Variants in SRRM1 observed in about 807,000 individuals in gnomAD.
SRRM1 encodes the protein serine and arginine repetitive matrix 1.
Under a neutral mutation model 110.2 loss-of-function variants are expected in SRRM1, and 19 were observed. That is an observed-to-expected ratio of 0.17 (90% CI 0.12 to 0.25). SRRM1 has a LOEUF of 0.25. Ranked by LOEUF, SRRM1 falls within the 10% of genes least tolerant of loss-of-function variation. The pLI is 1.00. For synonymous variants in SRRM1, 443 were observed against 414.9 expected (o/e 1.07, Z -0.82); for missense variants, 918 against 1,145.8 (o/e 0.80, Z 2.87).
chr1:24,652,783 A>G (rs1661745170), intron 7 of SRRM1, 130 bp from the exon 8 acceptor site: 2 of 1,363,012 alleles, frequency 1.5e-6, no homozygotes, highest in Admixed American at 2.8e-5. Context: ...TCTGTGTACC[A>G]TAAAAATCTA....
At chr1:24,668,948 G>A (rs922495695) in intron 13 of SRRM1, among the ~76,000 whole-genome samples, 175 bp from the exon 14 acceptor site, 3 of 152,132 alleles carry the variant, frequency 2.0e-5, no homozygotes, top group Non-Finnish European at 4.4e-5. Flanking sequence ...GCAGTCAGCT[G>A]AGATAAACAA....
At chr1:24,662,609 C>A in intron 11 of SRRM1, 51 bp from the exon 12 acceptor site, 2 of 1,586,790 alleles carry the variant, frequency 1.3e-6, no homozygotes, top group Non-Finnish European at 8.6e-7. Flanking sequence ...AAAACTTGGA[C>A]AGATTCAAGC....
rs1672681192 is a variant in SRRM1, at chr1:24,671,392, G to A, written c.2407G>A (p.Asp803Asn). Residue 803 changes from aspartate (D) to asparagine (N), a missense_variant, in exon 16 of 17, where the codon GAT (aspartate) becomes AAT (asparagine). Around this residue, in one of 5 missense-constraint regions of SRRM1, gnomAD observed 62 missense variants for 127.6 expected, o/e 0.49. Transcript: ENST00000323848. ...TPSPSPPRNS[D>N]QEGGGKKKKK... ...TGTTTTTTTTTCTTCCTAGAATTCA[G>A]ATCAGGAAGGAGGTGGAAAGAAAAA... 1.9e-6 allele frequency: 3 copies of A among 1,604,338 alleles called. No homozygotes were observed. The South Asian group carries it at 3.4e-5, about 18-fold the overall frequency.
chr1:24,651,678 C>A, intron 6 of SRRM1, 66 bp downstream of exon 6: 1 of 1,194,460 alleles, frequency 8.4e-7, no homozygotes, highest in Non-Finnish European at 1.2e-6. Flanking sequence ...GCAAATATGA[C>A]ATCTGAGTTA....
intron 16 of SRRM1, 34 bp downstream of exon 16, chr1:24,671,629 G>A: frequency 6.5e-7 from 1 of 1,527,714 alleles, no homozygotes; most frequent in Non-Finnish European, 8.8e-7. Flanking sequence ...CTGTCTTGCA[G>A]TTTACGTACA....
At position 24,648,997 on chromosome 1, in the gene SRRM1, G is replaced by A. The variant is rs778053915; in HGVS notation, c.373G>A (p.Glu125Lys). The change falls in exon 4 of 17, where the codon GAA becomes AAA. Residue 125 changes from glutamate (E) to lysine (K), a missense_variant. This residue lies in a region of SRRM1 where 456 missense variants were observed against 453.5 expected (regional missense o/e 1.01). Coordinates refer to ENST00000323848, the MANE Select transcript of SRRM1 (RefSeq NM_005839.4). ...NIAGIPSAFL[E>K]LKKEEIKQRQ... ...CGCGGGAATCCCTTCTGCTTTCCTAGAACTGAAGAAAGAAGAAATAAAACA... is the reference window on the plus strand; with the variant it reads ...CGCGGGAATCCCTTCTGCTTTCCTAAAACTGAAGAAAGAAGAAATAAAACA... 1.2e-6 allele frequency: 2 copies of A among 1,612,332 alleles called. No individual in the cohort carries two copies. Among genetic ancestry groups the A allele is most frequent in the South Asian group, 2.2e-5 (2 of 90,846 alleles).
chr1:24,653,240 G>A (rs1662054809), intron 8 of SRRM1, among the ~76,000 whole-genome samples: 1 of 152,138 alleles, frequency 6.6e-6, no homozygotes, highest in South Asian at 2.1e-4. Flanking sequence ...AAGTAAACGA[G>A]AAATTCATCT....
chr1:24,666,988 G>C (rs1163112049), intron 13 of SRRM1, 63 bp downstream of exon 13: 2 of 971,694 alleles, frequency 2.1e-6, no homozygotes, highest in Non-Finnish European at 3.1e-6. Context: ...GATAACATCA[G>C]ATGAGTAATG....
intron 10 of SRRM1, 115 bp from the exon 11 acceptor site, chr1:24,661,195 A>T: frequency 1.5e-6 from 1 of 645,760 alleles, no homozygotes; most frequent in East Asian, 2.8e-5. Context: ...AATATATAGT[A>T]GTTGTATTTT....
rs542200305 is a variant in SRRM1 at position 24,652,489 on chromosome 1, C to G, written c.781C>G (p.Pro261Ala). The G allele has an allele frequency of 2.5e-6, 4 of 1,611,876 alleles. No individual in the cohort carries two copies. The highest frequency in any genetic ancestry group is 2.2e-5 in the East Asian group (1 of 44,786). Residue 261 changes from proline (P) to alanine (A), a missense_variant, in exon 7 of 17, where the codon CCG becomes GCG. By Grantham distance (27) the Pro-to-Ala change is conservative. Transcript: ENST00000323848. ...EPIPEPKEPS[P>A]EKNSKKEKEK... is the part of the protein sequence containing the mutation. The stretch of plus-strand genomic sequence containing the variant: ...TATACCAGAGCCTAAAGAACCTTCT[C>G]CGGAAAAAAATTCCAAAAAAGAAAA...
Position 24,648,848 on chromosome 1 carries a change from T to G in SRRM1, c.235-11T>G. 6.2e-7 allele frequency: 1 copy of G among 1,607,416 alleles called. No individual in the cohort carries two copies. The highest frequency in any genetic ancestry group is 8.5e-7 in the Non-Finnish European group (1 of 1,177,944). ...GTAACCTGTTTTTCTTCCTGTCGTG[T>G]CTTTTTGCAGAATCCAGACTCCAAA... is the stretch of plus-strand genomic sequence containing the variant. On this transcript the variant is annotated splice_polypyrimidine_tract_variant and intron_variant, in intron 3 of 16. Transcript: ENST00000323848.
chr1:24,643,324 A>G lies in SRRM1; in HGVS notation c.-3A>G, dbSNP rs765319745. On this transcript the variant is annotated 5_prime_UTR_variant, in exon 1 of 17. Transcript: ENST00000323848. ...GGGAGCGATCTCCGAGCGAGGCGGC[A>G]AGATGGACGCGGGATTTTTCCGCGT... 7.7e-6 allele frequency: 12 copies of G among 1,557,096 alleles called. No homozygotes were observed. In the African/African-American group the frequency reaches 1.3e-4, roughly 17 times the overall value.
At chr1:24,665,755 A>G (rs1000861322) in intron 12 of SRRM1, among the ~76,000 whole-genome samples, 1 of 152,220 alleles carries the variant, frequency 6.6e-6, no homozygotes, top group African/African-American at 2.4e-5. Context: ...AATATTTTAT[A>G]TGTATTTAGT....
intron 2 of SRRM1, 51 bp from the exon 3 acceptor site, chr1:24,646,616 T>A: frequency 8.4e-7 from 1 of 1,195,734 alleles, no homozygotes; most frequent in Non-Finnish European, 1.1e-6. Flanking sequence ...AACTTGAGCA[T>A]TTTTTTTTAG....
chr1:24,653,855 T>C (rs1409397001), intron 8 of SRRM1, among the ~76,000 whole-genome samples: 1 of 152,204 alleles, frequency 6.6e-6, no homozygotes, highest in African/African-American at 2.4e-5. Flanking sequence ...TTGAGTCTTT[T>C]AAAGTTCTTT....
intron 9 of SRRM1, among the ~76,000 whole-genome samples, chr1:24,659,789 T>C (rs1666205218): frequency 6.6e-6 from 1 of 152,148 alleles, no homozygotes; most frequent in Non-Finnish European, 1.5e-5. Flanking sequence ...TTACAAAAGG[T>C]AGTTACCATA....
At chr1:24,652,672 T>G in intron 7 of SRRM1, 44 bp downstream of exon 7, 1 of 1,506,940 alleles carries the variant, frequency 6.6e-7, no homozygotes, top group Non-Finnish European at 9.0e-7. Flanking sequence ...AGGTTTTATA[T>G]ACTACTCTAC....
chr1:24,643,311 C>A lies in SRRM1; in HGVS notation c.-16C>A. The stretch of plus-strand genomic sequence containing the variant: ...GTACCCTGGGATAGGGAGCGATCTC[C>A]GAGCGAGGCGGCAAGATGGACGCGG... On this transcript the variant is annotated 5_prime_UTR_variant, in exon 1 of 17. Transcript: ENST00000323848. 6.4e-7 allele frequency: 1 copy of A among 1,565,414 alleles called. No individual in the cohort carries two copies. Among genetic ancestry groups the A allele is most frequent in the Non-Finnish European group, 8.6e-7 (1 of 1,160,016 alleles).
chr1:24,665,353 C>T (rs907595117), intron 12 of SRRM1, among the ~76,000 whole-genome samples: 11 of 151,294 alleles, frequency 7.3e-5, no homozygotes, highest in Non-Finnish European at 1.0e-4. Context: ...CGTTTGAATC[C>T]GGGAGGTGGA....
Sources: gnomAD v4.1 joint callset for allele counts (sites outside exome capture counted in the v4.1 genomes callset) on GRCh38, gnomAD v4.1.1 for gene constraint, gnomAD v4.1.1 regional missense constraint, MANE v1.5 for transcripts, NCBI Gene and HGNC (gene_info 2026-07-23, HGNC 2026-07-21) for gene names.